The following AIG1 variants were observed in gnomAD, a reference collection of about 807,000 sequenced individuals.
AIG1 encodes the protein androgen-induced gene 1 protein.
Under a neutral mutation model 31.4 loss-of-function variants are expected in AIG1, and 23 were observed. The ratio of observed to expected loss-of-function variants is 0.73; its 90% CI spans 0.53 to 1.04. AIG1 has a LOEUF of 1.04. AIG1 is among the 50% of genes least tolerant of loss of function. The pLI is 0.00. For missense variants in AIG1, 274 were observed against 295.0 expected, an observed-to-expected ratio of 0.93 and a Z score of 0.52; for synonymous variants, 100 against 110.5, an observed-to-expected ratio of 0.90 and a Z score of 0.60.
rs138145792 is a variant in AIG1 at position 143,118,846 on chromosome 6, A to C, written c.142-17989A>C. 7.1e-3 allele frequency among the ~76,000 whole-genome samples: 1,073 copies of C among 151,622 alleles called. 15 individuals are homozygous for C. The highest frequency in any genetic ancestry group is 0.025 in the African/African-American group (1,035 of 41,348). ...AAATTCCTATATGGAACTTCTGGAGAGTGTCCCAAAGAAAGAATTTTCTTT... is the reference window on the plus strand; with the variant it reads ...AAATTCCTATATGGAACTTCTGGAGCGTGTCCCAAAGAAAGAATTTTCTTT... On this transcript the variant is annotated intron_variant, in intron 1 of 5. Transcript: ENST00000357847.
intron 3 of AIG1, among the ~76,000 whole-genome samples, chr6:143,240,012 C>T (rs1249568274): frequency 6.6e-6 from 1 of 152,066 alleles, no homozygotes; most frequent in Non-Finnish European, 1.5e-5. Context: ...CTAAAATGGA[C>T]AAAGAGAATA....
intron 2 of AIG1, among the ~76,000 whole-genome samples, chr6:143,146,495 A>C (rs971592201): frequency 1.4e-5 from 2 of 147,420 alleles, no homozygotes; most frequent in Non-Finnish European, 1.5e-5. Flanking sequence ...CTTTCCCTCT[A>C]TCTCCCCAAC....
At chr6:143,229,502 G>T (rs1381811482) in intron 3 of AIG1, among the ~76,000 whole-genome samples, 1 of 152,066 alleles carries the variant, frequency 6.6e-6, no homozygotes, top group Non-Finnish European at 1.5e-5. Flanking sequence ...TTTCACATTT[G>T]CAATTTAATG....
At chr6:143,136,686 C>A in intron 1 of AIG1, 149 bp from the exon 2 acceptor site, 1 of 746,466 alleles carries the variant, frequency 1.3e-6, no homozygotes, top group Non-Finnish European at 1.9e-6. Flanking sequence ...TTGTAAATGT[C>A]TGTTCTCTAT....
At chr6:143,123,854 A>T (rs917225488) in intron 1 of AIG1, among the ~76,000 whole-genome samples, 3 of 152,216 alleles carry the variant, frequency 2.0e-5, no homozygotes, top group African/African-American at 7.2e-5. Context: ...CACATTACTA[A>T]TAAATTAGCC....
rs1798526148 is a variant in AIG1, at chr6:143,297,636, G to A, written c.515+13411G>A. Among the ~76,000 whole-genome samples, 6 of 152,106 alleles carry A rather than the reference G, an allele frequency of 3.9e-5. No homozygotes were observed. ...TGGTAGAGTGGTTGGCCCATTTCCTGTAACACTGCTCCTACTCAGCCTCCT... is the reference window on the plus strand; with the variant it reads ...TGGTAGAGTGGTTGGCCCATTTCCTATAACACTGCTCCTACTCAGCCTCCT... On this transcript the variant is annotated intron_variant, in intron 4 of 5. Coordinates refer to ENST00000357847, the MANE Select transcript of AIG1 (RefSeq NM_016108.4). The surrounding 1 kb of genome is among the most constrained non-coding windows in gnomAD (Gnocchi z 5.1).
intron 1 of AIG1, among the ~76,000 whole-genome samples, chr6:143,132,473 G>GT (rs77246302): frequency 0.071 from 10,725 of 151,788 alleles, 803 homozygotes; most frequent in East Asian, 0.38. Context: ...ATGGTGATAT[G>GT]TTTTTTTTCC....
intron 1 of AIG1, among the ~76,000 whole-genome samples, chr6:143,125,041 T>C (rs1782577301): frequency 6.6e-6 from 1 of 152,194 alleles, no homozygotes; most frequent in Non-Finnish European, 1.5e-5. Flanking sequence ...AGCTCCAGGG[T>C]ACCTTTTATA....
intron 2 of AIG1, among the ~76,000 whole-genome samples, chr6:143,159,988 A>C (rs1786182501): frequency 6.6e-6 from 1 of 152,226 alleles, no homozygotes; most frequent in Non-Finnish European, 1.5e-5. Flanking sequence ...TAGAGCCCCA[A>C]ACAGAATTTA....
chr6:143,238,548 G>C (rs1793985041), intron 3 of AIG1, among the ~76,000 whole-genome samples: 1 of 152,048 alleles, frequency 6.6e-6, no homozygotes, highest in Admixed American at 6.6e-5. Context: ...TCTGGGGGAG[G>C]GGTTCTGCAT....
chr6:143,343,001 G>T (rs1777885708), downstream of AIG1: 1 of 933,824 alleles, frequency 1.1e-6, no homozygotes. Flanking sequence ...CTATCTGCAG[G>T]TGTTATTTCC....
At chr6:143,067,717 T>C (rs879425584) in intron 1 of AIG1, among the ~76,000 whole-genome samples, 14 of 152,226 alleles carry the variant, frequency 9.2e-5, no homozygotes, top group Non-Finnish European at 1.5e-4. Flanking sequence ...GTAACTATGG[T>C]ACTTAGTTTT....
chr6:143,300,560 A>G (rs2128696736), intron 4 of AIG1, among the ~76,000 whole-genome samples: 1 of 152,324 alleles, frequency 6.6e-6, no homozygotes, highest in South Asian at 2.1e-4. Flanking sequence ...TCCCTTTTCA[A>G]AAGAAAAAAT....
chr6:143,284,374 G>C lies in AIG1; in HGVS notation c.515+149G>C. Reference sequence around the variant, plus strand: ...ACCTGGGCTTTGTCTCGTTTCCCCAGATGCTTATATTTTTAGAAAGTATAT... The same window carrying C: ...ACCTGGGCTTTGTCTCGTTTCCCCACATGCTTATATTTTTAGAAAGTATAT... On this transcript the variant is annotated intron_variant, in intron 4 of 5. Transcript: ENST00000357847. The surrounding 1 kb of genome is among the most constrained non-coding windows in gnomAD (Gnocchi z 4.4). The C allele has an allele frequency of 5.2e-6, 3 of 575,380 alleles. No individual in the cohort carries two copies. Among genetic ancestry groups the C allele is most frequent in the Non-Finnish European group, 9.2e-6 (3 of 325,632 alleles). 35.6% of individuals were successfully genotyped at this position (575,380 alleles called of 1,614,324 possible). A position where few individuals can be genotyped will look rare whatever the true frequency, so the allele number is the denominator to read the frequency against.
chr6:143,326,881 G>A lies in AIG1; in HGVS notation c.516-6401G>A, dbSNP rs1049253956. On this transcript the variant is annotated intron_variant, in intron 4 of 5. Coordinates refer to ENST00000357847, the MANE Select transcript of AIG1 (RefSeq NM_016108.4). The surrounding 1 kb of genome is among the most constrained non-coding windows in gnomAD (Gnocchi z 4.5). ...TGTGACAGGAATGCAAAGAGGAACA[G>A]GAGCAAGATATGGGATGGGGCCAAA... is the stretch of plus-strand genomic sequence containing the variant. 4.6e-5 allele frequency among the ~76,000 whole-genome samples: 7 copies of A among 152,188 alleles called. No homozygotes were observed. Among genetic ancestry groups the A allele is most frequent in the African/African-American group, 9.6e-5 (4 of 41,454 alleles).
At chr6:143,262,287 G>T (rs1035396691) in intron 3 of AIG1, among the ~76,000 whole-genome samples, 1 of 152,152 alleles carries the variant, frequency 6.6e-6, no homozygotes, top group African/African-American at 2.4e-5. Context: ...GTTAAAACAG[G>T]GTGACATCAT....
At position 143,340,884 on chromosome 6, in the gene AIG1, A is replaced by C. The variant is rs1467233582; in HGVS notation, c.*1208A>C. 6.6e-6 allele frequency among the ~76,000 whole-genome samples: 1 copy of C among 152,178 alleles called. No individual in the cohort carries two copies. The stretch of plus-strand genomic sequence containing the variant: ...CACAAATATAAGTATTGATTGCCCA[A>C]TGTTGAGAGAGATCAACAAATGATA... On this transcript the variant is annotated 3_prime_UTR_variant, in exon 6 of 6. Coordinates refer to ENST00000357847, the MANE Select transcript of AIG1 (RefSeq NM_016108.4).
At chr6:143,318,724 G>A (rs572181049) in intron 4 of AIG1, among the ~76,000 whole-genome samples, 1 of 151,710 alleles carries the variant, frequency 6.6e-6, no homozygotes, top group East Asian at 1.9e-4. Flanking sequence ...TTCACAATCT[G>A]TACATCCAAC....
chr6:143,339,742 G>A lies in AIG1; in HGVS notation c.*66G>A. 1.3e-6 allele frequency: 2 copies of A among 1,558,990 alleles called. No homozygotes were observed. Among genetic ancestry groups the A allele is most frequent in the Non-Finnish European group, 8.8e-7 (1 of 1,140,578 alleles). On this transcript the variant is annotated 3_prime_UTR_variant, in exon 6 of 6. Coordinates refer to ENST00000357847, the MANE Select transcript of AIG1 (RefSeq NM_016108.4). The stretch of plus-strand genomic sequence containing the variant: ...GAAGACTCCTTCCCCTCGGGCATTG[G>A]CAGTGGGGGAGAAAAGGCTTCAAAG...
Sources: allele counts gnomAD v4.1 joint callset (sites outside exome capture counted in the v4.1 genomes callset), GRCh38; gene constraint gnomAD v4.1.1; non-coding constraint Gnocchi (gnomAD v3.1); transcripts MANE v1.5; gene names NCBI Gene and HGNC (gene_info 2026-07-23, HGNC 2026-07-21).